Variants in HSF4 observed in about 807,000 individuals in gnomAD.
The protein encoded by HSF4 is heat shock factor protein 4.
HSF4 carries 41 observed loss-of-function variants against 52.0 expected under a neutral mutation model. That is an observed-to-expected ratio of 0.79 (90% CI 0.61 to 1.02). HSF4 has a LOEUF of 1.02. HSF4 is among the 50% of genes least tolerant of loss of function. HSF4 has a pLI of 0.00. For synonymous variants in HSF4, 285 were observed against 273.0 expected, an observed-to-expected ratio of 1.04 and a Z score of -0.43; for missense variants, 610 against 651.1, an observed-to-expected ratio of 0.94 and a Z score of 0.69.
intron 6 of HSF4, among the ~76,000 whole-genome samples, chr16:67,166,918 C>T (rs1353475947): frequency 2.0e-5 from 3 of 152,142 alleles, no homozygotes; most frequent in Admixed American, 6.5e-5. Context: ...ACCAGGTTCC[C>T]TCCCTCCCCT....
chr16:67,168,200 G>C (rs139113926), intron 9 of HSF4, among the ~76,000 whole-genome samples: 21 of 152,306 alleles, frequency 1.4e-4, no homozygotes, highest in African/African-American at 5.1e-4. Context: ...GTGGCTATGA[G>C]GTGGCTCATG....
Position 67,167,411 on chromosome 16 carries a change from T to C in HSF4, c.730-64T>C, listed in dbSNP as rs1253305087. 4 of 1,613,098 alleles carry C rather than the reference T, an allele frequency of 2.5e-6. No individual in the cohort carries two copies. In the East Asian group the frequency reaches 8.9e-5, roughly 36 times the overall value. On this transcript the variant is annotated intron_variant, in intron 7 of 12. Coordinates refer to ENST00000521374, the MANE Select transcript of HSF4 (RefSeq NM_001374675.1). ...CCTTAGACCTGGCCCAGGTGGGTGT[T>C]GGTGGGGTTCTGGCTCTCCCTGTGC...
rs2031160427 is a variant in HSF4 at position 67,165,190 on chromosome 16, G to A, written c.123+256G>A. 2 of 593,966 alleles carry A rather than the reference G, an allele frequency of 3.4e-6. No individual in the cohort carries two copies. The highest frequency in any genetic ancestry group is 5.6e-5 in the East Asian group (2 of 35,818). The allele number at this position is 593,966 out of a possible 1,614,324, so 36.8% of individuals were successfully genotyped here. On this transcript the variant is annotated intron_variant, in intron 1 of 12. Transcript: ENST00000521374. The surrounding 1 kb of genome is among the most constrained non-coding windows in gnomAD (Gnocchi z 6.9). ...ATTTAGTTCCCACCCTACCCCATCC[G>A]ACAGATGGGAAAACAGAGGCCGGGA...
chr16:67,165,457 G>A lies in HSF4; in HGVS notation c.124-65G>A. On this transcript the variant is annotated intron_variant, in intron 1 of 12. Transcript: ENST00000521374. The surrounding 1 kb of genome is among the most constrained non-coding windows in gnomAD (Gnocchi z 6.9). Reference sequence around the variant, plus strand: ...CGCGCGCTGGAGCGCAGGACTGGCCGTGAGCGGGCACCGCTCACCCTCCTG... The same window carrying A: ...CGCGCGCTGGAGCGCAGGACTGGCCATGAGCGGGCACCGCTCACCCTCCTG... 6.9e-7 allele frequency: 1 copy of A among 1,441,110 alleles called. No homozygotes were observed. The highest frequency in any genetic ancestry group is 9.8e-7 in the Non-Finnish European group (1 of 1,024,794). 89.3% of individuals were successfully genotyped at this position (1,441,110 alleles called of 1,614,324 possible).
Position 67,167,172 on chromosome 16 carries a change from A to G in HSF4, c.679A>G (p.Thr227Ala). 6.2e-7 allele frequency: 1 copy of G among 1,614,022 alleles called. No individual in the cohort carries two copies. The highest frequency in any genetic ancestry group is 8.5e-7 in the Non-Finnish European group (1 of 1,179,970). ...ATGCCCAACACCTGCCAAGTTCAACACCTGCCCTCTACCTGGTGCCCTTCT... is the reference window on the plus strand; with the variant it reads ...ATGCCCAACACCTGCCAAGTTCAACGCCTGCCCTCTACCTGGTGCCCTTCT... The part of the protein sequence containing the change: ...SSCPTPAKFN[T>A]CPLPGALLQD... The change falls in exon 7 of 13, where the codon ACC (threonine) becomes GCC (alanine). Residue 227 changes from threonine to alanine, a missense_variant. Physicochemically the swap from Thr to Ala is moderately conservative, Grantham distance 58. Transcript: ENST00000521374.
In HSF4 at chr16:67,167,799, A is replaced by G; in HGVS notation, c.934A>G (p.Asn312Asp). ...CGAGGCCGGGCTGGCCCTGGCCCCA[A>G]ACGAGTGTGACTTCTGCGTGACAGC... ...DGEAGLALAP[N>D]ECDFCVTAPP... Residue 312 changes from asparagine to aspartate, a missense_variant, in exon 9 of 13, where the codon AAC becomes GAC. Asn to Asp is a conservative substitution (Grantham distance 23). Coordinates refer to ENST00000521374, the MANE Select transcript of HSF4 (RefSeq NM_001374675.1). 1 of 1,597,866 alleles carries G rather than the reference A, an allele frequency of 6.3e-7. No individual in the cohort carries two copies. The highest frequency in any genetic ancestry group is 8.5e-7 in the Non-Finnish European group (1 of 1,172,746).
upstream of HSF4, chr16:67,163,836 C>A: frequency 1.3e-6 from 2 of 1,532,040 alleles, no homozygotes; most frequent in Non-Finnish European, 1.7e-6. Flanking sequence ...CGACTTCTCT[C>A]CCCCGTCCCC....
Position 67,165,937 on chromosome 16 carries a change from C to A in HSF4, c.361-9C>A. The stretch of plus-strand genomic sequence containing the variant: ...GCGACCCAGTCCCGACGGTGCCTCC[C>A]GCCTGCAGGTGCCCGCGCTGCGCGG... On this transcript the variant is annotated splice_polypyrimidine_tract_variant and intron_variant, in intron 3 of 12. Coordinates refer to ENST00000521374, the MANE Select transcript of HSF4 (RefSeq NM_001374675.1). This position sits in a 1 kb window ranked among gnomAD's most constrained non-coding sequence, Gnocchi z 6.9. 6.3e-7 allele frequency: 1 copy of A among 1,579,676 alleles called. No homozygotes were observed. Among genetic ancestry groups the A allele is most frequent in the East Asian group, 2.3e-5 (1 of 43,504 alleles).
chr16:67,169,820 CG>C lies in HSF4; in HGVS notation c.*36del, dbSNP rs775729418. The C allele has an allele frequency of 6.2e-6, 10 of 1,612,338 alleles. No homozygotes were observed. The highest frequency in any genetic ancestry group is 1.3e-5 in the African/African-American group (1 of 75,036). On this transcript the variant is annotated 3_prime_UTR_variant, in exon 13 of 13. Transcript: ENST00000521374. This position sits in a 1 kb window ranked among gnomAD's most constrained non-coding sequence, Gnocchi z 4.3. ...CCTCTGAAGGGGCTTGGAACCAGTC[CG>C]CCGCTGCACATCCTTCTTGGCTTCC...
chr16:67,164,562 C>T (rs140579779), upstream of HSF4: 11,112 of 446,364 alleles, frequency 0.025, 173 homozygotes, highest in Non-Finnish European at 0.03. Context: ...CACCCCACCC[C>T]ACCCCACTCC....
chr16:67,165,293 G>C lies in HSF4; in HGVS notation c.124-229G>C. 1 of 603,554 alleles carries C rather than the reference G, an allele frequency of 1.7e-6. No individual in the cohort carries two copies. Among genetic ancestry groups the C allele is most frequent in the Non-Finnish European group, 2.9e-6 (1 of 339,770 alleles). 37.4% of individuals were successfully genotyped at this position (603,554 alleles called of 1,614,324 possible). ...TCAGCCTCTCCTTTCTGAGAACTGA[G>C]TATGGAGTCAGGGTCTGGCTGGGGG... On this transcript the variant is annotated intron_variant, in intron 1 of 12. Transcript: ENST00000521374. This position sits in a 1 kb window ranked among gnomAD's most constrained non-coding sequence, Gnocchi z 6.9.
chr16:67,164,671 G>A (rs1437099312), upstream of HSF4: 6 of 816,696 alleles, frequency 7.3e-6, no homozygotes, highest in Non-Finnish European at 1.0e-5. Context: ...GCCCCGCCCC[G>A]CGGGCTTGCA....
At chr16:67,164,683 G>A (rs1003393091), upstream of HSF4, 16 of 1,129,550 alleles carry the variant, frequency 1.4e-5, no homozygotes, top group East Asian at 5.3e-4. Context: ...GGGCTTGCAC[G>A]TGGCCCCCGC....
chr16:67,169,878 C>A lies in HSF4; in HGVS notation c.*93C>A. 1 of 1,377,924 alleles carries A rather than the reference C, an allele frequency of 7.3e-7. No individual in the cohort carries two copies. Among genetic ancestry groups the A allele is most frequent in the Non-Finnish European group, 1.0e-6 (1 of 970,292 alleles). The allele number at this position is 1,377,924 out of a possible 1,614,324, so 85.4% of individuals were successfully genotyped here. A position where few individuals can be genotyped will look rare whatever the true frequency, so the allele number is the denominator to read the frequency against. On this transcript the variant is annotated 3_prime_UTR_variant, in exon 13 of 13. Transcript: ENST00000521374. This position sits in a 1 kb window ranked among gnomAD's most constrained non-coding sequence, Gnocchi z 4.3. Reference sequence around the variant, plus strand: ...CCCCTATCGGGGGTGAGCGAAGCCCCCACTACTAAATGGCCTCTCTCCACT... The same window carrying A: ...CCCCTATCGGGGGTGAGCGAAGCCCACACTACTAAATGGCCTCTCTCCACT...
upstream of HSF4, chr16:67,164,094 C>G: frequency 2.9e-6 from 2 of 685,456 alleles, no homozygotes; most frequent in Non-Finnish European, 2.7e-6. Flanking sequence ...TGCAGCTCCG[C>G]GGCCCCGGCG....
At position 67,165,107 on chromosome 16, in the gene HSF4, G is replaced by C; in HGVS notation, c.123+173G>C. On this transcript the variant is annotated intron_variant, in intron 1 of 12. Transcript: ENST00000521374. The surrounding 1 kb of genome is among the most constrained non-coding windows in gnomAD (Gnocchi z 6.9). Reference sequence around the variant, plus strand: ...CGAGAGGGGGGTTTCCTCTGCGGCCGAAGAAGGGTTAGGAGCCTGCCTTCT... The same window carrying C: ...CGAGAGGGGGGTTTCCTCTGCGGCCCAAGAAGGGTTAGGAGCCTGCCTTCT... The C allele has an allele frequency of 1.4e-6, 1 of 731,078 alleles. No individual in the cohort carries two copies. The highest frequency in any genetic ancestry group is 2.9e-5 in the Admixed American group (1 of 34,142). The allele number at this position is 731,078 out of a possible 1,614,324, so 45.3% of individuals were successfully genotyped here.
At chr16:67,168,545 T>G (rs147444692) in intron 9 of HSF4, among the ~76,000 whole-genome samples, 30 of 149,354 alleles carry the variant, frequency 2.0e-4, no homozygotes, top group African/African-American at 4.2e-4. Context: ...AAGAAAGAAA[T>G]AAAGAAAGAA....
rs778169152 is a variant in HSF4, at chr16:67,167,402, G to C, written c.730-73G>C. 13 of 1,612,814 alleles carry C rather than the reference G, an allele frequency of 8.1e-6. 1 individual carries two copies. The South Asian group carries it at 1.3e-4, about 16-fold the overall frequency. ...AACCTTCTCCCTTAGACCTGGCCCAGGTGGGTGTTGGTGGGGTTCTGGCTC... is the reference window on the plus strand; with the variant it reads ...AACCTTCTCCCTTAGACCTGGCCCACGTGGGTGTTGGTGGGGTTCTGGCTC... On this transcript the variant is annotated intron_variant, in intron 7 of 12. Coordinates refer to ENST00000521374, the MANE Select transcript of HSF4 (RefSeq NM_001374675.1).
chr16:67,166,480 C>G, intron 5 of HSF4, 78 bp from the exon 6 acceptor site: 1 of 1,599,448 alleles, frequency 6.3e-7, no homozygotes, highest in Non-Finnish European at 8.6e-7. Flanking sequence ...CCCTGTTAAG[C>G]CTTCCTCCCT....
Sources: allele counts gnomAD v4.1 joint callset (sites outside exome capture counted in the v4.1 genomes callset), GRCh38; gene constraint gnomAD v4.1.1; non-coding constraint Gnocchi (gnomAD v3.1); transcripts MANE v1.5; gene names NCBI Gene and HGNC (gene_info 2026-07-23, HGNC 2026-07-21).